TRPM1: variants seen among roughly 807,000 people sequenced by gnomAD.
The protein encoded by TRPM1 is TRPM1-203 APA Isoform, Intron 10.
Under a neutral mutation model 149.4 loss-of-function variants are expected in TRPM1, and 113 were observed. The ratio of observed to expected loss-of-function variants is 0.76; its 90% confidence interval spans 0.65 to 0.88. The LOEUF is 0.88. Ranked by LOEUF, TRPM1 falls within the 40% of genes least tolerant of loss-of-function variation. The probability of loss-of-function intolerance (pLI) is 0.00; values close to 1 mark genes in which losing one functional copy is unlikely to be tolerated. For synonymous variants in TRPM1, 741 were observed against 759.5 expected, an observed-to-expected ratio of 0.98 and a Z score of 0.40; for missense variants, 1,976 against 2,038.7, an observed-to-expected ratio of 0.97 and a Z score of 0.59.
chr15:31,014,182 G>C (rs141131176), intron 27 of TRPM1, among the ~76,000 whole-genome samples: 29 of 152,218 alleles, frequency 1.9e-4, no homozygotes, highest in Non-Finnish European at 3.5e-4. Context: ...TTTTTGGTTA[G>C]TCTATTGTTT....
At chr15:31,085,122 T>A (rs1567042848) in intron 1 of TRPM1, among the ~76,000 whole-genome samples, 1 of 152,142 alleles carries the variant, frequency 6.6e-6, no homozygotes, top group Admixed American at 6.5e-5. Context: ...CCGTGTTGTG[T>A]TTTTAATTTT....
chr15:31,097,815 T>C (rs1441095794), intron 1 of TRPM1, among the ~76,000 whole-genome samples: 2 of 152,156 alleles, frequency 1.3e-5, no homozygotes. Context: ...GCACCTGAGA[T>C]GTGGCCAGGG....
At chr15:31,153,472 C>T (rs182708584) in intron 1 of TRPM1, among the ~76,000 whole-genome samples, 1 of 152,268 alleles carries the variant, frequency 6.6e-6, no homozygotes, top group Non-Finnish European at 1.5e-5. Flanking sequence ...TTACAGGAAC[C>T]TGCCACCATG....
intron 2 of TRPM1, among the ~76,000 whole-genome samples, chr15:31,080,335 G>A (rs1017128634): frequency 1.3e-5 from 2 of 152,038 alleles, no homozygotes; most frequent in Non-Finnish European, 2.9e-5. Context: ...AGAATTCTGG[G>A]GAGAACCACC....
At chr15:31,015,673 A>C (rs898932450) in intron 27 of TRPM1, among the ~76,000 whole-genome samples, 14 of 152,168 alleles carry the variant, frequency 9.2e-5, no homozygotes, top group African/African-American at 3.1e-4. Context: ...AGTGTATTAA[A>C]GGAAAACCTT....
upstream of TRPM1, chr15:31,101,838 TC>T: frequency 3.7e-6 from 2 of 534,664 alleles, no homozygotes; most frequent in Non-Finnish European, 4.8e-6. Flanking sequence ...ATGACCTGAC[TC>T]CCAGGCCAGA....
At chr15:31,027,148 T>C (rs1195852890) in intron 25 of TRPM1, 31 bp from the exon 26 acceptor site, 1 of 1,600,352 alleles carries the variant, frequency 6.2e-7, no homozygotes, top group Non-Finnish European at 8.5e-7. Flanking sequence ...TACAGTTAGT[T>C]ATATTACTTT....
chr15:31,006,742 T>C (rs938304817), intron 27 of TRPM1, among the ~76,000 whole-genome samples: 3 of 152,264 alleles, frequency 2.0e-5, no homozygotes, highest in African/African-American at 7.2e-5. Context: ...CTACTAGCAG[T>C]GTATGCAAAT....
chr15:31,025,325 C>G (rs539710557), intron 27 of TRPM1, among the ~76,000 whole-genome samples: 1 of 152,306 alleles, frequency 6.6e-6, no homozygotes, highest in East Asian at 1.9e-4. Flanking sequence ...GCTCTCAAAA[C>G]TTACGTGATA....
Position 31,076,911 on chromosome 15 carries a change from G to C in TRPM1, c.77C>G (p.Ser26Cys). 1.2e-6 allele frequency: 2 copies of C among 1,602,318 alleles called. No homozygotes were observed. The highest frequency in any genetic ancestry group is 2.2e-5 in the East Asian group (1 of 44,798). The part of the protein sequence containing the change: ...CIFVIPSMKD[S>C]NRCCCGQFTN... ...ATCGTGGATTTCAATTTACCTGTTA[G>C]AGTCTTTCATGCTAGGAATTACAAA... Residue 26 changes from serine to cysteine, a missense_variant, in exon 3 of 28, where the codon TCT becomes TGT. Around this residue, in one of 3 missense-constraint regions of TRPM1, gnomAD observed 1,332 missense variants for 1,347.1 expected, o/e 0.99. Transcript: ENST00000256552.
intron 1 of TRPM1, among the ~76,000 whole-genome samples, chr15:31,147,662 G>A (rs2036239248): frequency 6.6e-6 from 1 of 152,228 alleles, no homozygotes; most frequent in Non-Finnish European, 1.5e-5. Flanking sequence ...TGCGAGCGAG[G>A]CCTGTGTATG....
intron 1 of TRPM1, among the ~76,000 whole-genome samples, chr15:31,116,425 C>G (rs112440406): frequency 6.6e-6 from 1 of 151,798 alleles, no homozygotes; most frequent in Non-Finnish European, 1.5e-5. Context: ...CTGGCCAACA[C>G]GGCGAAACCC....
intron 1 of TRPM1, among the ~76,000 whole-genome samples, chr15:31,100,257 A>G (rs2035484659): frequency 6.6e-6 from 1 of 151,672 alleles, no homozygotes. Context: ...TTGTATTTTT[A>G]GTAGAGACAG....
intron 1 of TRPM1, among the ~76,000 whole-genome samples, chr15:31,087,328 T>C (rs1343477614): frequency 1.5e-5 from 2 of 132,194 alleles, no homozygotes; most frequent in Admixed American, 9.2e-5. Flanking sequence ...CACAGCAAGC[T>C]CCGCCTCCCG....
At position 31,091,232 on chromosome 15, in the gene TRPM1, G is replaced by C. The variant is rs1485085629; in HGVS notation, c.-83-9794C>G. On this transcript the variant is annotated intron_variant, in intron 1 of 27. Transcript: ENST00000256552. ...GCCTCGCCTGCTGTGCTGGAGATCG[G>C]ACACAATGAGACAGAGATGCTTCAC... Among the ~76,000 whole-genome samples, 2 of 152,216 alleles carry C rather than the reference G, an allele frequency of 1.3e-5. 1 individual carries two copies. The highest frequency in any genetic ancestry group is 4.8e-5 in the African/African-American group (2 of 41,458).
At chr15:31,161,111 G>A (rs1378548190) in exon 1 of TRPM1, 25 of 738,940 alleles carry the variant, frequency 3.4e-5, no homozygotes, top group Non-Finnish European at 5.3e-5. Context: ...TGGGCGAGGG[G>A]GCCGAGATCC....
upstream of TRPM1, among the ~76,000 whole-genome samples, chr15:31,104,743 G>T (rs186225105): frequency 6.6e-6 from 1 of 151,870 alleles, no homozygotes; most frequent in Non-Finnish European, 1.5e-5. Flanking sequence ...ACAGGTGCCT[G>T]CCACCACGCC....
At chr15:31,021,702 TAAAA>T (rs34186876) in intron 27 of TRPM1, among the ~76,000 whole-genome samples, 1 of 119,354 alleles carries the variant, frequency 8.4e-6, no homozygotes, top group African/African-American at 3.1e-5. Flanking sequence ...TCTCTAGAAT[TAAAA>T]AAAAAAAAAA....
chr15:31,067,799 G>A, intron 5 of TRPM1, 80 bp downstream of exon 5: 1 of 1,380,044 alleles, frequency 7.2e-7, no homozygotes, highest in South Asian at 1.2e-5. Flanking sequence ...GTTGTCCTTA[G>A]TTATTAGGAA....
Sources: gnomAD v4.1 joint callset for allele counts (sites outside exome capture counted in the v4.1 genomes callset) on GRCh38, gnomAD v4.1.1 for gene constraint, gnomAD v4.1.1 regional missense constraint, MANE v1.5 for transcripts, NCBI Gene and HGNC (gene_info 2026-07-23, HGNC 2026-07-21) for gene names.